BANK1: variants seen among roughly 807,000 people sequenced by gnomAD.
The protein encoded by BANK1 is B cell scaffold protein with ankyrin repeats 1.
In BANK1, 95 loss-of-function variants were observed where a neutral mutation model predicts 94.5. The observed-to-expected ratio is 1.00, with a 90% CI of 0.85 to 1.19. The LOEUF (loss-of-function observed/expected upper bound fraction) is 1.19, where lower values mean the gene tolerates loss of function less well. BANK1 is among the 50% of genes most tolerant of loss of function. The pLI is 0.00. For synonymous variants in BANK1, 334 were observed against 308.4 expected (o/e 1.08, Z -0.87); for missense variants, 987 against 932.2 (o/e 1.06, Z -0.77).
chr4:101,955,643 G>T (rs1724311829), intron 7 of BANK1, among the ~76,000 whole-genome samples: 1 of 152,140 alleles, frequency 6.6e-6, no homozygotes, highest in Non-Finnish European at 1.5e-5. Context: ...GGGGAAAATT[G>T]TCTCTTTAAT....
intron 7 of BANK1, among the ~76,000 whole-genome samples, chr4:101,932,097 TACTG>T (rs1723370399): frequency 6.6e-6 from 1 of 151,560 alleles, no homozygotes; most frequent in Admixed American, 6.6e-5. Context: ...TGAAAAGTTC[TACTG>T]ACTGTTAGTA....
intron 6 of BANK1, among the ~76,000 whole-genome samples, chr4:101,911,287 G>A (rs1166358466): frequency 1.3e-5 from 2 of 152,112 alleles, no homozygotes; most frequent in Non-Finnish European, 2.9e-5. Context: ...ACTTTACAGG[G>A]CAGATTATCT....
intron 7 of BANK1, among the ~76,000 whole-genome samples, chr4:101,948,969 T>C (rs1469717014): frequency 1.3e-5 from 2 of 152,096 alleles, no homozygotes; most frequent in African/African-American, 4.8e-5. Flanking sequence ...TACCTTAAAA[T>C]ATTGTTTATT....
At chr4:101,928,638 T>G (rs574831551) in intron 7 of BANK1, among the ~76,000 whole-genome samples, 62 of 151,840 alleles carry the variant, frequency 4.1e-4, no homozygotes, top group African/African-American at 1.5e-3. Flanking sequence ...ATTTCCTTAA[T>G]GAGAACTCTC....
intron 7 of BANK1, among the ~76,000 whole-genome samples, chr4:101,952,254 A>T (rs544984347): frequency 1.3e-5 from 2 of 152,252 alleles, no homozygotes; most frequent in East Asian, 3.9e-4. Context: ...AAAAAAATAA[A>T]AATGGCTTGG....
In BANK1 at chr4:101,790,916, C is replaced by T. The variant is rs760060628; in HGVS notation, c.36C>T (p.Ser12=). The T allele has an allele frequency of 7.2e-6, 11 of 1,535,748 alleles. No individual in the cohort carries two copies. The East Asian group carries it at 1.5e-4, about 20-fold the overall frequency. ...CAGCGCCAGGCAAGGGGCTTGGGAG[C>T]CCGGACCCCGCCCCCTGCGGCCCAG... is the stretch of plus-strand genomic sequence containing the variant. ...LPAAPGKGLG[S]PDPAPCGPAP... Residue 12 remains serine (S), a synonymous_variant, in exon 1 of 17, where the codon AGC becomes AGT. Coordinates refer to ENST00000322953, the MANE Select transcript of BANK1 (RefSeq NM_017935.5).
chr4:102,049,239 A>G (rs562085216), intron 11 of BANK1, among the ~76,000 whole-genome samples: 1 of 152,336 alleles, frequency 6.6e-6, no homozygotes, highest in Non-Finnish European at 1.5e-5. Flanking sequence ...CTTAGTCATT[A>G]GAAGATTTCT....
chr4:102,041,327 A>ATGTGTC (rs1479987692), intron 10 of BANK1, among the ~76,000 whole-genome samples: 1 of 152,122 alleles, frequency 6.6e-6, no homozygotes, highest in African/African-American at 2.4e-5. Context: ...CTAATGGAAT[A>ATGTGTC]TGTGTCCTTG....
chr4:101,963,607 A>G (rs1450400446), intron 7 of BANK1, among the ~76,000 whole-genome samples: 2 of 151,960 alleles, frequency 1.3e-5, no homozygotes, highest in African/African-American at 2.4e-5. Context: ...CCACTCAACC[A>G]AAGTGTACTA....
intron 3 of BANK1, among the ~76,000 whole-genome samples, chr4:101,859,811 G>T (rs1578361803): frequency 6.6e-6 from 1 of 152,054 alleles, no homozygotes; most frequent in Non-Finnish European, 1.5e-5. Flanking sequence ...TTTTTGAAAG[G>T]TGCTACGATA....
intron 1 of BANK1, among the ~76,000 whole-genome samples, chr4:101,817,473 A>C (rs908622028): frequency 2.0e-5 from 3 of 152,156 alleles, no homozygotes; most frequent in Admixed American, 6.5e-5. Context: ...GTGGGAGCTA[A>C]ATGATGAGAA....
At chr4:101,972,563 A>G (rs1724992343) in intron 7 of BANK1, 1 of 152,090 alleles carries the variant, frequency 6.6e-6, no homozygotes, top group South Asian at 2.1e-4. Context: ...AGGACAACCT[A>G]GCTTCACAAT....
chr4:101,862,238 G>T (rs1432761552), intron 3 of BANK1, among the ~76,000 whole-genome samples: 2 of 152,156 alleles, frequency 1.3e-5, no homozygotes, highest in Non-Finnish European at 2.9e-5. Flanking sequence ...TATTGAGGAA[G>T]ACGCAAGAAG....
chr4:102,060,229 G>A lies in BANK1; in HGVS notation c.1988G>A (p.Ser663Asn), dbSNP rs1728368902. 1 of 1,586,562 alleles carries A rather than the reference G, an allele frequency of 6.3e-7. No individual in the cohort carries two copies. Among genetic ancestry groups the A allele is most frequent in the East Asian group, 2.3e-5 (1 of 43,812 alleles). ...ATTTTAGACAGAGCTCGGATAGAGAGTCCAGCCTTTTCTACTCTCAGGGGC... is the reference window on the plus strand; with the variant it reads ...ATTTTAGACAGAGCTCGGATAGAGAATCCAGCCTTTTCTACTCTCAGGGGC... ...PKKQDRARIE[S>N]PAFSTLRGCL... The change falls in exon 12 of 17, where the codon AGT becomes AAT. Residue 663 changes from serine to asparagine, a missense_variant. Transcript: ENST00000322953.
At chr4:101,809,780 A>G (rs1249819529) in intron 1 of BANK1, among the ~76,000 whole-genome samples, 2 of 152,172 alleles carry the variant, frequency 1.3e-5, no homozygotes, top group Admixed American at 6.5e-5. Context: ...ACATATATCC[A>G]TTTTACTTCA....
chr4:101,819,372 C>G (rs1000997595), intron 1 of BANK1, among the ~76,000 whole-genome samples: 21 of 152,234 alleles, frequency 1.4e-4, no homozygotes, highest in African/African-American at 4.6e-4. Flanking sequence ...TCAAAGTCCT[C>G]TAAGTCTATA....
At chr4:101,841,554 T>C (rs1182728696) in intron 2 of BANK1, among the ~76,000 whole-genome samples, 1 of 152,090 alleles carries the variant, frequency 6.6e-6, no homozygotes, top group African/African-American at 2.4e-5. Context: ...CTCCAATGAA[T>C]GATTCCAGTT....
intron 3 of BANK1, among the ~76,000 whole-genome samples, chr4:101,861,680 T>A (rs986611189): frequency 6.6e-6 from 1 of 152,124 alleles, no homozygotes; most frequent in South Asian, 2.1e-4. Flanking sequence ...TATGTGTGTG[T>A]GTGTGTGTTT....
chr4:101,800,114 C>T (rs1268472226), intron 1 of BANK1, among the ~76,000 whole-genome samples: 6 of 93,292 alleles, frequency 6.4e-5, no homozygotes. Flanking sequence ...CGGAACATCA[C>T]ACACCAGGGT....
Sources: gnomAD v4.1 joint callset for allele counts (sites outside exome capture counted in the v4.1 genomes callset) on GRCh38, gnomAD v4.1.1 for gene constraint, MANE v1.5 for transcripts, NCBI Gene and HGNC (gene_info 2026-07-23, HGNC 2026-07-21) for gene names.